The following EYA1 variants were observed in gnomAD, a reference collection of about 807,000 sequenced individuals.
EYA1 encodes the protein EYA transcriptional coactivator and phosphatase 1, also known as protein phosphatase EYA1.
Under a neutral mutation model 82.0 loss-of-function variants are expected in EYA1, and 16 were observed. The observed-to-expected ratio is 0.20, with a 90% CI of 0.13 to 0.30. The LOEUF is 0.30. Ranked by LOEUF, EYA1 falls within the 10% of genes least tolerant of loss-of-function variation. EYA1 has a pLI of 1.00. For missense variants in EYA1, 633 were observed against 730.7 expected, an observed-to-expected ratio of 0.87 and a Z score of 1.54; for synonymous variants, 261 against 264.4, an observed-to-expected ratio of 0.99 and a Z score of 0.12.
At chr8:71,530,969 AC>A (rs1814221052) in intron 2 of EYA1, 1 of 152,210 alleles carries the variant, frequency 6.6e-6, no homozygotes, top group African/African-American at 2.4e-5. Flanking sequence ...TTAAGTATCT[AC>A]CATTTATAAC....
At chr8:71,481,310 T>C (rs1243460213) in intron 2 of EYA1, among the ~76,000 whole-genome samples, 1 of 152,196 alleles carries the variant, frequency 6.6e-6, no homozygotes, top group Non-Finnish European at 1.5e-5. Context: ...TTTTTATTTA[T>C]AAAAATAGCA....
rs1240261130 is a variant in EYA1 at position 71,230,975 on chromosome 8, C to T, written c.1140+13628G>A. On this transcript the variant is annotated intron_variant, in intron 12 of 17. Transcript: ENST00000340726. ...GCATACACCTGCTCACTGGACTCCA[C>T]TTGTGTGTCCAACACACACTTCAGG... Among the ~76,000 whole-genome samples the T allele has an allele frequency of 5.3e-4, 81 of 152,234 alleles. 1 individual carries two copies. Among genetic ancestry groups the T allele is most frequent in the Non-Finnish European group, 6.5e-4 (44 of 68,048 alleles).
chr8:71,322,354 A>C, intron 4 of EYA1, 86 bp from the exon 5 acceptor site: 1 of 1,184,650 alleles, frequency 8.4e-7, no homozygotes, highest in Non-Finnish European at 1.3e-6. Flanking sequence ...ATTTTCAACT[A>C]TAGGTTGGCC....
intron 2 of EYA1, among the ~76,000 whole-genome samples, chr8:71,441,529 A>T (rs1020159213): frequency 1.3e-5 from 2 of 152,196 alleles, no homozygotes; most frequent in Admixed American, 6.5e-5. Flanking sequence ...CATTACCAAG[A>T]CTAATGCTAG....
At chr8:71,352,074 T>C (rs1268056986) in intron 3 of EYA1, among the ~76,000 whole-genome samples, 2 of 152,204 alleles carry the variant, frequency 1.3e-5, no homozygotes, top group Non-Finnish European at 2.9e-5. Context: ...GGGAGGTGAT[T>C]GACATTTTAA....
chr8:71,400,992 T>C (rs1829926247), intron 2 of EYA1, among the ~76,000 whole-genome samples: 1 of 152,100 alleles, frequency 6.6e-6, no homozygotes. Flanking sequence ...TTCAGGGACA[T>C]GGATGGAGTT....
intron 2 of EYA1, among the ~76,000 whole-genome samples, chr8:71,464,175 TC>T (rs1563640862): frequency 1.3e-5 from 2 of 152,234 alleles, no homozygotes; most frequent in East Asian, 3.9e-4. Context: ...TTCCACATCT[TC>T]TATTCTCCCT....
rs201593037 is a variant in EYA1, at chr8:71,217,683, G to GT, written c.1141-661dup. On this transcript the variant is annotated intron_variant, in intron 12 of 17. Coordinates refer to ENST00000340726, the MANE Select transcript of EYA1 (RefSeq NM_000503.6). ...AAACCATGTGCTTGTTTGCTGTTTA[G>GT]TTTTTTTTACATTTTTTGTGTTATT... 6.6e-3 allele frequency among the ~76,000 whole-genome samples: 997 copies of GT among 151,234 alleles called. 15 individuals carry two copies. The highest frequency in any genetic ancestry group is 0.021 in the African/African-American group (842 of 40,852).
intron 2 of EYA1, among the ~76,000 whole-genome samples, chr8:71,423,177 C>T (rs1831238308): frequency 6.6e-6 from 1 of 151,976 alleles, no homozygotes; most frequent in Non-Finnish European, 1.5e-5. Context: ...GGTGTCTTTG[C>T]TATCATTCCA....
intron 2 of EYA1, among the ~76,000 whole-genome samples, chr8:71,465,903 C>T (rs1428618605): frequency 1.3e-5 from 2 of 151,860 alleles, no homozygotes; most frequent in Admixed American, 1.3e-4. Flanking sequence ...TTATTAGTTA[C>T]CTATAGTTTC....
chr8:71,269,368 A>G lies in EYA1; in HGVS notation c.1050+372T>C, dbSNP rs60778395. 9.2e-3 allele frequency among the ~76,000 whole-genome samples: 1,407 copies of G among 152,328 alleles called. 28 individuals are homozygous for G. The highest frequency in any genetic ancestry group is 0.032 in the African/African-American group (1,336 of 41,576). ...ATCACTGAGAACAACAGAAAGTGAAATATTTGCTCCATTAAATGTTAGGGA... is the reference window on the plus strand; with the variant it reads ...ATCACTGAGAACAACAGAAAGTGAAGTATTTGCTCCATTAAATGTTAGGGA... On this transcript the variant is annotated intron_variant, in intron 11 of 17. Transcript: ENST00000340726.
intron 2 of EYA1, among the ~76,000 whole-genome samples, chr8:71,397,408 T>A (rs1009951684): frequency 2.0e-5 from 3 of 152,194 alleles, no homozygotes; most frequent in African/African-American, 7.2e-5. Context: ...ATTTGGCATG[T>A]TTTTGCAGTG....
At chr8:71,237,762 G>C (rs1036341862) in intron 12 of EYA1, among the ~76,000 whole-genome samples, 1 of 152,038 alleles carries the variant, frequency 6.6e-6, no homozygotes, top group Non-Finnish European at 1.5e-5. Context: ...TATACATAGG[G>C]TATACATTTT....
At chr8:71,334,242 T>C (rs1376593908) in intron 3 of EYA1, 68 bp from the exon 4 acceptor site, 4 of 1,160,430 alleles carry the variant, frequency 3.4e-6, no homozygotes, top group Non-Finnish European at 5.2e-6. Flanking sequence ...GAAGAGAAGA[T>C]ATAACATTCA....
At chr8:71,279,414 C>CTATTA (rs577116642) in intron 9 of EYA1, among the ~76,000 whole-genome samples, 251 of 152,240 alleles carry the variant, frequency 1.6e-3, no homozygotes, top group Non-Finnish European at 1.5e-3. Flanking sequence ...AAGGCCAGAT[C>CTATTA]AGGAAGACAG....
chr8:71,327,813 TTAAGACACTAATAATA>T (rs1313375610), intron 4 of EYA1, among the ~76,000 whole-genome samples: 3 of 151,824 alleles, frequency 2.0e-5, no homozygotes, highest in Non-Finnish European at 4.4e-5. Flanking sequence ...GTCTATTTTG[TTAAGACACTAATAATA>T]GTTAGGGCGG....
At chr8:71,369,866 G>A (rs1174312530) in intron 2 of EYA1, among the ~76,000 whole-genome samples, 1 of 151,996 alleles carries the variant, frequency 6.6e-6, no homozygotes, top group Non-Finnish European at 1.5e-5. Context: ...GGACTGGCTA[G>A]GGCATTATCA....
intron 2 of EYA1, among the ~76,000 whole-genome samples, chr8:71,523,267 C>A (rs1402990118): frequency 6.7e-6 from 1 of 149,400 alleles, no homozygotes; most frequent in Non-Finnish European, 1.5e-5. Flanking sequence ...CAAGCTCCGC[C>A]TCCCAGGTTC....
chr8:71,300,815 T>C (rs1046146093), intron 7 of EYA1, among the ~76,000 whole-genome samples: 4 of 152,300 alleles, frequency 2.6e-5, no homozygotes, highest in East Asian at 3.9e-4. Context: ...AATTTTCATA[T>C]TATTTTGTGA....
Sources: allele counts gnomAD v4.1 joint callset (sites outside exome capture counted in the v4.1 genomes callset), GRCh38; gene constraint gnomAD v4.1.1; transcripts MANE v1.5; gene names NCBI Gene and HGNC (gene_info 2026-07-23, HGNC 2026-07-21).